OXR1: variants seen among roughly 807,000 people sequenced by gnomAD.
OXR1 encodes oxidation resistance protein 1.
In OXR1, 41 loss-of-function variants were observed where a neutral mutation model predicts 104.6. That is an observed-to-expected ratio of 0.39 (90% CI 0.31 to 0.51). The LOEUF (loss-of-function observed/expected upper bound fraction) is 0.51, where lower values mean the gene tolerates loss of function less well. Among genes scored for constraint, OXR1 ranks in the 20% least tolerant of loss-of-function variants. The probability of loss-of-function intolerance (pLI) is 0.77; values close to 1 mark genes in which losing one functional copy is unlikely to be tolerated. For synonymous variants in OXR1, 348 were observed against 348.4 expected, an observed-to-expected ratio of 1.00 and a Z score of 0.01; for missense variants, 955 against 1,031.9, an observed-to-expected ratio of 0.93 and a Z score of 1.02.
chr8:106,739,075 T>TACACACACACACACACACACACAC (rs71307086), intron 12 of OXR1, among the ~76,000 whole-genome samples: 189 of 141,616 alleles, frequency 1.3e-3, no homozygotes, highest in East Asian at 4.1e-3. Context: ...TTAAATAGCA[T>TACACACACACACACACACACACAC]ACACACACAC....
chr8:106,472,917 T>G (rs1821595274), intron 2 of OXR1, among the ~76,000 whole-genome samples: 1 of 151,878 alleles, frequency 6.6e-6, no homozygotes, highest in Non-Finnish European at 1.5e-5. Context: ...TTGTTGGTTG[T>G]TTTTCCCTAA....
chr8:106,472,331 T>A lies in OXR1; in HGVS notation c.24-46612T>A, dbSNP rs186388668. On this transcript the variant is annotated intron_variant, in intron 2 of 16. Coordinates refer to ENST00000517566, the MANE Select transcript of OXR1 (RefSeq NM_001198533.2). ...GGCTGGTTTTTTTCCCCAGTTTAAA[T>A]CTACTGAGGATTTCCTATTCACAAA... Among the ~76,000 whole-genome samples the A allele has an allele frequency of 5.3e-3, 811 of 151,876 alleles. 3 individuals are homozygous for A. Among genetic ancestry groups the A allele is most frequent in the Non-Finnish European group, 8.2e-3 (559 of 67,836 alleles).
chr8:106,616,218 ATTTTTTT>A (rs372788802), intron 3 of OXR1, among the ~76,000 whole-genome samples: 66 of 96,028 alleles, frequency 6.9e-4, no homozygotes, highest in Admixed American at 1.3e-3. Context: ...ATTTTTTGGA[ATTTTTTT>A]TTTTTTTTTT....
At chr8:106,608,010 T>C (rs1032619024) in intron 3 of OXR1, among the ~76,000 whole-genome samples, 3 of 152,204 alleles carry the variant, frequency 2.0e-5, no homozygotes, top group Non-Finnish European at 4.4e-5. Context: ...CACTGGGCAC[T>C]GTGGCTCATT....
intron 2 of OXR1, among the ~76,000 whole-genome samples, chr8:106,471,374 A>G (rs936364068): frequency 6.6e-6 from 1 of 151,774 alleles, no homozygotes; most frequent in African/African-American, 2.4e-5. Context: ...AACCTTTTGT[A>G]GCAGCCCATT....
chr8:106,415,280 T>A (rs915529588), intron 2 of OXR1, among the ~76,000 whole-genome samples: 3 of 150,890 alleles, frequency 2.0e-5, no homozygotes, highest in Non-Finnish European at 4.4e-5. Flanking sequence ...GTCTTATTAG[T>A]TGTAATAATG....
intron 1 of OXR1, among the ~76,000 whole-genome samples, chr8:106,277,686 A>C (rs140928860): frequency 2.0e-5 from 3 of 152,288 alleles, no homozygotes; most frequent in African/African-American, 7.2e-5. Context: ...CCTCTTCCTT[A>C]ATCTTGGCTA....
chr8:106,403,838 A>C (rs529169687), intron 2 of OXR1, among the ~76,000 whole-genome samples: 3 of 152,186 alleles, frequency 2.0e-5, no homozygotes, highest in Admixed American at 1.3e-4. Flanking sequence ...GTCTGTGTAC[A>C]TTAGAAAACT....
chr8:106,420,271 T>C (rs561277335), intron 2 of OXR1, among the ~76,000 whole-genome samples: 4 of 152,208 alleles, frequency 2.6e-5, no homozygotes, highest in East Asian at 3.9e-4. Context: ...GAATTCATGT[T>C]CTAACATTTA....
chr8:106,449,297 A>G (rs1820187839), intron 2 of OXR1, among the ~76,000 whole-genome samples: 2 of 152,168 alleles, frequency 1.3e-5, no homozygotes. Flanking sequence ...TAAACAAGGA[A>G]AAGCATTCAT....
intron 2 of OXR1, among the ~76,000 whole-genome samples, chr8:106,474,172 CA>C (rs1324404234): frequency 6.7e-6 from 1 of 149,946 alleles, no homozygotes; most frequent in Non-Finnish European, 1.5e-5. Context: ...CCCCATGTGA[CA>C]GGGGTAAATC....
intron 1 of OXR1, among the ~76,000 whole-genome samples, chr8:106,341,638 A>G (rs1369443002): frequency 6.6e-6 from 1 of 152,056 alleles, no homozygotes; most frequent in Admixed American, 6.6e-5. Context: ...CTGTCCTCTG[A>G]AAGCTCTATT....
At chr8:106,319,794 C>A (rs1308472637) in intron 1 of OXR1, among the ~76,000 whole-genome samples, 1 of 152,222 alleles carries the variant, frequency 6.6e-6, no homozygotes, top group East Asian at 1.9e-4. Flanking sequence ...ATACTGTGGG[C>A]ACTTCTGTGA....
intron 2 of OXR1, among the ~76,000 whole-genome samples, chr8:106,442,271 G>T (rs1029003802): frequency 6.6e-6 from 1 of 152,210 alleles, no homozygotes; most frequent in Non-Finnish European, 1.5e-5. Context: ...GCCAAGACTT[G>T]ATCATGGTGG....
chr8:106,641,219 G>A (rs564369285), intron 3 of OXR1, among the ~76,000 whole-genome samples: 1 of 152,310 alleles, frequency 6.6e-6, no homozygotes, highest in South Asian at 2.1e-4. Flanking sequence ...TGTGCCAATT[G>A]AAGCTAAGTC....
intron 2 of OXR1, among the ~76,000 whole-genome samples, chr8:106,415,337 T>G (rs1261501914): frequency 2.0e-5 from 3 of 152,160 alleles, no homozygotes; most frequent in African/African-American, 2.4e-5. Flanking sequence ...AAAAGGGAAG[T>G]CATCATTATG....
chr8:106,701,324 G>A (rs763035137), intron 7 of OXR1, among the ~76,000 whole-genome samples: 10 of 152,062 alleles, frequency 6.6e-5, no homozygotes, highest in Admixed American at 6.5e-5. Flanking sequence ...TTGAACATCC[G>A]CAGTAACTTT....
intron 3 of OXR1, among the ~76,000 whole-genome samples, chr8:106,608,563 G>C (rs1298565908): frequency 6.6e-6 from 1 of 152,138 alleles, no homozygotes; most frequent in Non-Finnish European, 1.5e-5. Context: ...TTTTTGAAAA[G>C]GATGGGTTCT....
rs148622989 is a variant in OXR1 at position 106,728,631 on chromosome 8, T to C, written c.1957-8889T>C. Among the ~76,000 whole-genome samples the C allele has an allele frequency of 4.0e-3, 606 of 152,338 alleles. 3 individuals carry two copies. The highest frequency in any genetic ancestry group is 6.3e-3 in the Non-Finnish European group (427 of 68,022). On this transcript the variant is annotated intron_variant, in intron 11 of 16. Coordinates refer to ENST00000517566, the MANE Select transcript of OXR1 (RefSeq NM_001198533.2). ...CAAGCATGCTTAAGTTTTGTTATCT[T>C]TTATTTTTTAAAGGCCGTTTTATAG...
Sources: allele counts gnomAD v4.1 joint callset (sites outside exome capture counted in the v4.1 genomes callset), GRCh38; gene constraint gnomAD v4.1.1; transcripts MANE v1.5; gene names NCBI Gene and HGNC (gene_info 2026-07-23, HGNC 2026-07-21).